The following NOP9 variants were observed in gnomAD, a reference collection of about 807,000 sequenced individuals.
NOP9 encodes nucleolar protein 9.
Under a neutral mutation model 63.0 loss-of-function variants are expected in NOP9, and 50 were observed. The observed-to-expected ratio is 0.79, with a 90% CI of 0.63 to 1.00. The LOEUF (loss-of-function observed/expected upper bound fraction) is 1.00, where lower values mean the gene tolerates loss of function less well. NOP9 is among the 50% of genes least tolerant of loss of function. NOP9 has a pLI of 0.00. For missense variants in NOP9, 758 were observed against 803.0 expected, an observed-to-expected ratio of 0.94 and a Z score of 0.68; for synonymous variants, 343 against 332.8, an observed-to-expected ratio of 1.03 and a Z score of -0.33.
chr14:24,296,843 G>A (rs773097655), upstream of NOP9: 7 of 1,614,044 alleles, frequency 4.3e-6, no homozygotes, highest in African/African-American at 2.7e-5. Context: ...GGCTTGAATC[G>A]CACACCACAG....
In NOP9 at chr14:24,299,867, TTGTC is replaced by T. The variant is rs145306552; in HGVS notation, c.-85_-82del. The T allele has an allele frequency of 4.8e-4, 691 of 1,449,444 alleles. 5 individuals carry two copies. The African/African-American group carries it at 8.4e-3, about 18-fold the overall frequency. The allele number at this position is 1,449,444 out of a possible 1,614,324, so 89.8% of individuals were successfully genotyped here. A position where few individuals can be genotyped will look rare whatever the true frequency, so the allele number is the denominator to read the frequency against. ...AGGAGCGCGCCCGCGTTTCTAAACT[TTGTC>T]TGGATAAGGCGCACGCTTGGCGACG... On this transcript the variant is annotated 5_prime_UTR_variant, in exon 1 of 10. Transcript: ENST00000267425.
the NOP9 span, among the ~76,000 whole-genome samples, chr14:24,288,319 C>T: frequency 7.2e-5 from 11 of 152,040 alleles, no homozygotes; most frequent in African/African-American, 2.7e-4. Flanking sequence ...GCAGAGCAGG[C>T]TGTTAGATTT....
Position 24,307,479 on chromosome 14 carries a change from C to T in NOP9, c.*2384C>T, listed in dbSNP as rs777946548. ...GGGGTGGTGGAGCTGAGGTCCAGAC[C>T]CTCCGTCCAAACTCCGAGCTTATAT... On this transcript the variant is annotated 3_prime_UTR_variant, in exon 10 of 10. Transcript: ENST00000267425. 2.0e-5 allele frequency: 33 copies of T among 1,613,878 alleles called. No homozygotes were observed. The highest frequency in any genetic ancestry group is 1.3e-5 in the African/African-American group (1 of 74,854).
Position 24,304,110 on chromosome 14 carries a change from C to T in NOP9, c.1480C>T (p.Leu494=), listed in dbSNP as rs757972493. 1 of 1,614,248 alleles carries T rather than the reference C, an allele frequency of 6.2e-7. No individual in the cohort carries two copies. Among genetic ancestry groups the T allele is most frequent in the Non-Finnish European group, 8.5e-7 (1 of 1,180,038 alleles). Residue 494 remains leucine (L), a synonymous_variant, in exon 8 of 10, where the codon CTG becomes TTG. Transcript: ENST00000267425. The part of the protein sequence containing the change: ...VLGSLLLQHL[L]HFSTPGLVLR... ...TGGGTCTCTACTGCTCCAGCATCTG[C>T]TGCACTTCTCCACTCCTGGTCTTGT...
the NOP9 span, among the ~76,000 whole-genome samples, chr14:24,287,181 G>A: frequency 1.2e-4 from 18 of 152,240 alleles, no homozygotes; most frequent in Admixed American, 7.8e-4. Context: ...GTGAGTCATC[G>A]TGCCCGGTCC....
At chr14:24,280,248 C>T in the NOP9 span, among the ~76,000 whole-genome samples, 234 of 152,328 alleles carry the variant, frequency 1.5e-3, 6 homozygotes, top group East Asian at 0.038. Context: ...GTCAACTGCT[C>T]TGCCTTTATG....
At chr14:24,299,001 T>C (rs765050876), upstream of NOP9, 2 of 1,613,894 alleles carry the variant, frequency 1.2e-6, no homozygotes, top group East Asian at 4.5e-5. Flanking sequence ...CGGCCAGTGA[T>C]GTAAACTGTG....
intron 1 of NOP9, 37 bp from the exon 2 acceptor site, chr14:24,300,371 T>TG: frequency 6.3e-7 from 1 of 1,589,396 alleles, no homozygotes. Context: ...TATTCTCTAC[T>TG]AAGTCTCTTC....
chr14:24,278,073 C>T, the NOP9 span, among the ~76,000 whole-genome samples: 1 of 152,158 alleles, frequency 6.6e-6, no homozygotes, highest in Non-Finnish European at 1.5e-5. Flanking sequence ...TCCTCTGCCC[C>T]CAGCTTCCTG....
At chr14:24,299,007 CTG>C (rs745732042), upstream of NOP9, 13 of 1,613,948 alleles carry the variant, frequency 8.1e-6, no homozygotes, top group African/African-American at 1.3e-5. Flanking sequence ...GTGATGTAAA[CTG>C]TGGCGCCTGC....
chr14:24,291,130 G>A, the NOP9 span: 3 of 1,614,060 alleles, frequency 1.9e-6, no homozygotes, highest in Non-Finnish European at 2.5e-6. Context: ...GCTGTGCCAG[G>A]GTCCTCACCG....
chr14:24,287,705 A>G, the NOP9 span, among the ~76,000 whole-genome samples: 2 of 151,412 alleles, frequency 1.3e-5, no homozygotes, highest in African/African-American at 4.9e-5. Context: ...CAAAAAACCC[A>G]CCTCCACCCC....
chr14:24,305,550 C>G lies in NOP9; in HGVS notation c.*455C>G. ...GGGTGGGTTATCTAGCCTGTACTGT[C>G]TGCAGGTCCTGAAATTTGATGCTGT... is the stretch of plus-strand genomic sequence containing the variant. On this transcript the variant is annotated 3_prime_UTR_variant, in exon 10 of 10. Transcript: ENST00000267425. The G allele has an allele frequency of 1.3e-6, 2 of 1,529,218 alleles. No individual in the cohort carries two copies. Among genetic ancestry groups the G allele is most frequent in the Non-Finnish European group, 1.8e-6 (2 of 1,132,856 alleles). 94.7% of individuals were successfully genotyped at this position (1,529,218 alleles called of 1,614,324 possible). A position where few individuals can be genotyped will look rare whatever the true frequency, so the allele number is the denominator to read the frequency against.
chr14:24,281,163 T>C, the NOP9 span, among the ~76,000 whole-genome samples: 1 of 152,188 alleles, frequency 6.6e-6, no homozygotes, highest in Non-Finnish European at 1.5e-5. Flanking sequence ...CTCCCACTGC[T>C]GGCAGCCCTG....
chr14:24,297,770 C>T (rs141597088), upstream of NOP9, among the ~76,000 whole-genome samples: 75 of 152,306 alleles, frequency 4.9e-4, no homozygotes, highest in African/African-American at 1.8e-3. Context: ...TTTCACACAG[C>T]GTCCCTATGC....
At chr14:24,291,684 C>T in the NOP9 span, 304 of 1,518,390 alleles carry the variant, frequency 2.0e-4, no homozygotes, top group African/African-American at 3.6e-3. Context: ...CCCAGGTCTC[C>T]TCCCCATTTC....
In NOP9 at chr14:24,305,643, T is replaced by C. The variant is rs369064116; in HGVS notation, c.*548T>C. ...GAAGCTCAGAGCCCCTTAGTAGGAATGGAGGCGGCCCTTCTGCTGCCACTG... is the reference window on the plus strand; with the variant it reads ...GAAGCTCAGAGCCCCTTAGTAGGAACGGAGGCGGCCCTTCTGCTGCCACTG... On this transcript the variant is annotated 3_prime_UTR_variant, in exon 10 of 10. Transcript: ENST00000267425. 36 of 1,613,060 alleles carry C rather than the reference T, an allele frequency of 2.2e-5. No homozygotes were observed. The African/African-American group carries it at 4.3e-4, about 19-fold the overall frequency.
chr14:24,290,942 C>T, the NOP9 span: 31 of 1,613,862 alleles, frequency 1.9e-5, no homozygotes, highest in East Asian at 8.9e-5. Context: ...CAGCCCAGGC[C>T]GGACACGTGT....
the NOP9 span, among the ~76,000 whole-genome samples, chr14:24,282,853 G>C: frequency 6.6e-6 from 1 of 152,178 alleles, no homozygotes; most frequent in Non-Finnish European, 1.5e-5. Context: ...AGTCCAGGTG[G>C]CTGGCGATCC....
Sources: gnomAD v4.1 joint callset for allele counts (sites outside exome capture counted in the v4.1 genomes callset) on GRCh38, gnomAD v4.1.1 for gene constraint, MANE v1.5 for transcripts, NCBI Gene and HGNC (gene_info 2026-07-23, HGNC 2026-07-21) for gene names.